Variants in HMGCLL1 observed in about 807,000 individuals in gnomAD.
HMGCLL1 encodes the protein 3-hydroxy-3-methylglutaryl-CoA lyase like 1.
A neutral mutation model predicts 39.1 loss-of-function variants in HMGCLL1; 36 were observed. The ratio of observed to expected loss-of-function variants is 0.92; its 90% confidence interval spans 0.71 to 1.22. The LOEUF is 1.22. Among genes scored for constraint, HMGCLL1 ranks in the 50% most tolerant of loss-of-function variants. HMGCLL1 has a pLI of 0.00. For synonymous variants in HMGCLL1, 149 were observed against 144.0 expected, an observed-to-expected ratio of 1.03 and a Z score of -0.25; for missense variants, 451 against 416.5, an observed-to-expected ratio of 1.08 and a Z score of -0.72.
chr6:55,458,287 C>T (rs1428438804), intron 7 of HMGCLL1, among the ~76,000 whole-genome samples: 2 of 152,054 alleles, frequency 1.3e-5, no homozygotes, highest in African/African-American at 4.8e-5. Context: ...GAAAATAAAG[C>T]ATACAAAATC....
intron 1 of HMGCLL1, among the ~76,000 whole-genome samples, chr6:55,557,370 C>A (rs1176774532): frequency 6.6e-6 from 1 of 152,072 alleles, no homozygotes; most frequent in African/African-American, 2.4e-5. Context: ...GGTTGCCTGG[C>A]AGCGCGTCTG....
At chr6:55,524,784 A>G (rs1768228492) in intron 3 of HMGCLL1, among the ~76,000 whole-genome samples, 1 of 151,992 alleles carries the variant, frequency 6.6e-6, no homozygotes, top group African/African-American at 2.4e-5. Context: ...GGAAAATTTC[A>G]TATTTCCTGG....
chr6:55,457,363 A>G (rs1187394810), intron 7 of HMGCLL1, among the ~76,000 whole-genome samples: 3 of 152,192 alleles, frequency 2.0e-5, no homozygotes, highest in African/African-American at 7.2e-5. Flanking sequence ...CAGGTTATTC[A>G]AAGTCATGAA....
chr6:55,663,328 T>A, the HMGCLL1 span, among the ~76,000 whole-genome samples: 1 of 150,182 alleles, frequency 6.7e-6, no homozygotes, highest in Admixed American at 6.7e-5. Flanking sequence ...TATAGTGCTA[T>A]AAATTTCCCT....
At chr6:55,460,824 T>G (rs1428227929) in intron 7 of HMGCLL1, among the ~76,000 whole-genome samples, 4 of 152,024 alleles carry the variant, frequency 2.6e-5, no homozygotes, top group Non-Finnish European at 5.9e-5. Context: ...TTGGTGTCAG[T>G]ATTTTTTAAC....
chr6:55,586,260 T>G, the HMGCLL1 span, among the ~76,000 whole-genome samples: 1 of 151,930 alleles, frequency 6.6e-6, no homozygotes, highest in Non-Finnish European at 1.5e-5. Flanking sequence ...AGAGAACACT[T>G]CAGGGAAAGA....
At chr6:55,606,151 A>C in the HMGCLL1 span, among the ~76,000 whole-genome samples, 2 of 152,170 alleles carry the variant, frequency 1.3e-5, no homozygotes, top group Non-Finnish European at 2.9e-5. Flanking sequence ...CTAAGAAATG[A>C]GTAAGGGAAA....
the HMGCLL1 span, among the ~76,000 whole-genome samples, chr6:55,671,584 A>G: frequency 3.9e-5 from 6 of 151,954 alleles, no homozygotes; most frequent in African/African-American, 1.4e-4. Context: ...CAGCAAAGAC[A>G]TATAAAAACT....
At chr6:55,662,983 T>C in the HMGCLL1 span, among the ~76,000 whole-genome samples, 1 of 151,782 alleles carries the variant, frequency 6.6e-6, no homozygotes, top group Non-Finnish European at 1.5e-5. Context: ...CATAGAGGTG[T>C]TCACAGTAAT....
At chr6:55,579,354 C>T (rs1771929813), upstream of HMGCLL1, 1 of 486,846 alleles carries the variant, frequency 2.1e-6, no homozygotes, top group Non-Finnish European at 3.8e-6. Context: ...GTCTCATTTT[C>T]CGCACTACAC....
At chr6:55,650,684 G>C in the HMGCLL1 span, among the ~76,000 whole-genome samples, 1 of 152,014 alleles carries the variant, frequency 6.6e-6, no homozygotes, top group Non-Finnish European at 1.5e-5. Context: ...CCAAGGATTA[G>C]AGAAAACAAT....
At chr6:55,501,954 G>A (rs1766913253) in intron 5 of HMGCLL1, among the ~76,000 whole-genome samples, 2 of 151,674 alleles carry the variant, frequency 1.3e-5, no homozygotes, top group African/African-American at 4.8e-5. Context: ...GTTTTACCCA[G>A]ACCCGTTCCA....
the HMGCLL1 span, among the ~76,000 whole-genome samples, chr6:55,642,889 A>G: frequency 2.0e-5 from 3 of 152,008 alleles, no homozygotes; most frequent in African/African-American, 7.2e-5. Context: ...AGAATATGCA[A>G]CATTTGATTT....
intron 5 of HMGCLL1, among the ~76,000 whole-genome samples, chr6:55,507,840 T>G (rs1767247492): frequency 6.6e-6 from 1 of 151,764 alleles, no homozygotes; most frequent in African/African-American, 2.4e-5. Flanking sequence ...TGAAAACAAT[T>G]AAAAAAAGCA....
At chr6:55,657,493 A>G in the HMGCLL1 span, among the ~76,000 whole-genome samples, 1 of 151,958 alleles carries the variant, frequency 6.6e-6, no homozygotes, top group African/African-American at 2.4e-5. Flanking sequence ...GTCGAAGATC[A>G]CAGAGTGTGT....
At chr6:55,649,231 T>C in the HMGCLL1 span, among the ~76,000 whole-genome samples, 7 of 152,098 alleles carry the variant, frequency 4.6e-5, no homozygotes, top group African/African-American at 1.2e-4. Flanking sequence ...TTCTTTCAGA[T>C]TGAAGAATTT....
chr6:55,477,416 T>A lies in HMGCLL1; in HGVS notation c.795+18003A>T, dbSNP rs60303239. Among the ~76,000 whole-genome samples the A allele has an allele frequency of 8.0e-5, 2 of 24,908 alleles. 1 individual carries two copies. The highest frequency in any genetic ancestry group is 1.1e-4 in the Non-Finnish European group (2 of 17,596). The allele number at this position is 24,908 out of a possible 152,430, so 16.3% of individuals were successfully genotyped here. On this transcript the variant is annotated intron_variant, in intron 7 of 8. Coordinates refer to ENST00000274901, the MANE Select transcript of HMGCLL1 (RefSeq NM_001042406.2). ...ATAATATATATTATCTAAATATATA[T>A]TATCTTAATATATATTATATATTAT...
chr6:55,465,229 T>G lies in HMGCLL1; in HGVS notation c.796-25670A>C, dbSNP rs141407242. Among the ~76,000 whole-genome samples, 253 of 152,276 alleles carry G rather than the reference T, an allele frequency of 1.7e-3. 1 individual carries two copies. The highest frequency in any genetic ancestry group is 5.9e-3 in the African/African-American group (246 of 41,578). ...TATTTTTCTCTTATGTTTGATCAGT[T>G]ACTATTTCCAACTGAAATTTTGTCA... On this transcript the variant is annotated intron_variant, in intron 7 of 8. Coordinates refer to ENST00000274901, the MANE Select transcript of HMGCLL1 (RefSeq NM_001042406.2).
chr6:55,589,382 A>T, the HMGCLL1 span, among the ~76,000 whole-genome samples: 3 of 152,176 alleles, frequency 2.0e-5, no homozygotes, highest in Non-Finnish European at 4.4e-5. Flanking sequence ...TCAATAAATT[A>T]GGTATTGATG....
Sources: allele counts gnomAD v4.1 joint callset (sites outside exome capture counted in the v4.1 genomes callset), GRCh38; gene constraint gnomAD v4.1.1; transcripts MANE v1.5; gene names NCBI Gene and HGNC (gene_info 2026-07-23, HGNC 2026-07-21).